The following UNC5D variants were observed in gnomAD, a reference collection of about 807,000 sequenced individuals.
UNC5D encodes netrin receptor UNC5D.
A neutral mutation model predicts 105.4 loss-of-function variants in UNC5D; 39 were observed. The ratio of observed to expected loss-of-function variants is 0.37; its 90% CI spans 0.29 to 0.48. UNC5D has a LOEUF of 0.48. Ranked by LOEUF, UNC5D falls within the 20% of genes least tolerant of loss-of-function variation. The pLI, the probability that UNC5D is intolerant of heterozygous loss-of-function variation, is 0.98. For synonymous variants in UNC5D, 452 were observed against 450.4 expected (o/e 1.00, Z -0.04); for missense variants, 991 against 1,202.4 (o/e 0.82, Z 2.60).
At chr8:35,390,102 G>A (rs542417370) in intron 1 of UNC5D, among the ~76,000 whole-genome samples, 1 of 152,140 alleles carries the variant, frequency 6.6e-6, no homozygotes, top group Non-Finnish European at 1.5e-5. Flanking sequence ...AGGCAAAGGG[G>A]GAGCAGGCAT....
intron 1 of UNC5D, among the ~76,000 whole-genome samples, chr8:35,499,787 C>T (rs1194574786): frequency 6.6e-6 from 1 of 152,142 alleles, no homozygotes; most frequent in African/African-American, 2.4e-5. Flanking sequence ...ACAGTTAATG[C>T]CTTCTATTGC....
At chr8:35,759,662 T>A (rs73578222) in intron 14 of UNC5D, among the ~76,000 whole-genome samples, 193 bp downstream of exon 14, 2,228 of 152,340 alleles carry the variant, frequency 0.015, 58 homozygotes, top group African/African-American at 0.052. Flanking sequence ...AACAGCATTC[T>A]AACGGGTGGG....
chr8:35,583,356 AGTGT>A (rs147896842), intron 3 of UNC5D, among the ~76,000 whole-genome samples: 1 of 151,306 alleles, frequency 6.6e-6, no homozygotes, highest in Non-Finnish European at 1.5e-5. Flanking sequence ...CAATCTCTAA[AGTGT>A]GTGTGTGTGT....
chr8:35,537,438 G>C (rs1265650903), intron 1 of UNC5D, among the ~76,000 whole-genome samples: 1 of 152,104 alleles, frequency 6.6e-6, no homozygotes, highest in African/African-American at 2.4e-5. Flanking sequence ...CTAACATTTT[G>C]GGAGGCCAAG....
intron 1 of UNC5D, among the ~76,000 whole-genome samples, chr8:35,311,418 G>C (rs367774842): frequency 6.6e-6 from 1 of 152,124 alleles, no homozygotes; most frequent in Non-Finnish European, 1.5e-5. Flanking sequence ...GGTTTTGTGC[G>C]AGCTTGGCTG....
chr8:35,512,669 G>T (rs1812837317), intron 1 of UNC5D, among the ~76,000 whole-genome samples: 3 of 148,058 alleles, frequency 2.0e-5, no homozygotes, highest in Admixed American at 1.4e-4. Context: ...TCAACAGTCT[G>T]CTCCTCCCCT....
At chr8:35,309,071 C>T (rs897803290) in intron 1 of UNC5D, among the ~76,000 whole-genome samples, 1 of 152,118 alleles carries the variant, frequency 6.6e-6, no homozygotes, top group Non-Finnish European at 1.5e-5. Flanking sequence ...CATAAAAACA[C>T]TGGCTGAGGG....
At chr8:35,685,597 T>C (rs921217792) in intron 6 of UNC5D, among the ~76,000 whole-genome samples, 2 of 152,180 alleles carry the variant, frequency 1.3e-5, no homozygotes, top group Non-Finnish European at 1.5e-5. Context: ...TGGACTTATG[T>C]TCAATAAGCA....
chr8:35,337,046 T>A (rs1811097609), intron 1 of UNC5D, among the ~76,000 whole-genome samples: 1 of 152,206 alleles, frequency 6.6e-6, no homozygotes, highest in African/African-American at 2.4e-5. Context: ...CTGAGTAATA[T>A]TCAAAATGCT....
At chr8:35,566,967 A>G (rs1321059497) in intron 2 of UNC5D, among the ~76,000 whole-genome samples, 1 of 152,076 alleles carries the variant, frequency 6.6e-6, no homozygotes, top group African/African-American at 2.4e-5. Flanking sequence ...GCTCATCCCA[A>G]AGAAAGAAAG....
intron 10 of UNC5D, chr8:35,727,267 C>G (rs1828926309): frequency 1.3e-5 from 2 of 152,370 alleles, no homozygotes; most frequent in East Asian, 1.9e-4. Context: ...TCAATTTCTG[C>G]TCGGATTTCT....
intron 1 of UNC5D, among the ~76,000 whole-genome samples, chr8:35,527,054 A>T (rs1813929923): frequency 2.0e-5 from 3 of 152,158 alleles, no homozygotes; most frequent in Non-Finnish European, 4.4e-5. Flanking sequence ...TTTTTAAAAA[A>T]TGACACGTAT....
intron 3 of UNC5D, among the ~76,000 whole-genome samples, chr8:35,568,622 G>A (rs1817520418): frequency 6.6e-6 from 1 of 152,238 alleles, no homozygotes; most frequent in East Asian, 1.9e-4. Context: ...CCAGGAGGTG[G>A]AGGTTGCAGG....
At chr8:35,700,087 A>G (rs965232184) in intron 7 of UNC5D, among the ~76,000 whole-genome samples, 1 of 152,176 alleles carries the variant, frequency 6.6e-6, no homozygotes, top group African/African-American at 2.4e-5. Context: ...AGCAGACTTC[A>G]TGTTTGTCTA....
chr8:35,266,977 G>A (rs1804921194), intron 1 of UNC5D, among the ~76,000 whole-genome samples: 1 of 152,044 alleles, frequency 6.6e-6, no homozygotes, highest in Admixed American at 6.6e-5. Flanking sequence ...ATAGATGGAA[G>A]CTATCATGAG....
At chr8:35,544,317 G>T in intron 1 of UNC5D, 1 of 1,453,974 alleles carries the variant, frequency 6.9e-7, no homozygotes, top group Non-Finnish European at 9.2e-7. Context: ...TGCTGGCTTT[G>T]TGTAAGAAGG....
intron 1 of UNC5D, among the ~76,000 whole-genome samples, chr8:35,474,146 T>C (rs560452768): frequency 1.3e-4 from 20 of 152,254 alleles, no homozygotes; most frequent in Non-Finnish European, 2.8e-4. Flanking sequence ...GCACATGCAC[T>C]ATAGGATGTT....
In UNC5D at chr8:35,653,239, T is replaced by C. The variant is rs531301978; in HGVS notation, c.571-30308T>C. ...CACTGAGCATGGTTGAGGATATCTT[T>C]TTATTTGTCCACTTGGGATTCATTG... On this transcript the variant is annotated intron_variant, in intron 4 of 16. Coordinates refer to ENST00000404895, the MANE Select transcript of UNC5D (RefSeq NM_080872.4). 4.6e-5 allele frequency among the ~76,000 whole-genome samples: 7 copies of C among 152,270 alleles called. No homozygotes were observed. The South Asian group carries it at 1.5e-3, about 32-fold the overall frequency.
intron 1 of UNC5D, among the ~76,000 whole-genome samples, chr8:35,384,850 G>A (rs1387829564): frequency 6.6e-6 from 1 of 152,152 alleles, no homozygotes; most frequent in Non-Finnish European, 1.5e-5. Context: ...CAGAAGTCTG[G>A]CAGCAATGTG....
Sources: gnomAD v4.1 joint callset for allele counts (sites outside exome capture counted in the v4.1 genomes callset) on GRCh38, gnomAD v4.1.1 for gene constraint, MANE v1.5 for transcripts, NCBI Gene and HGNC (gene_info 2026-07-23, HGNC 2026-07-21) for gene names.